The following CTNNA3 variants were observed in gnomAD, a reference collection of about 807,000 sequenced individuals.
CTNNA3 encodes the protein catenin alpha 3.
Under a neutral mutation model 95.7 loss-of-function variants are expected in CTNNA3, and 76 were observed. The ratio of observed to expected loss-of-function variants is 0.79; its 90% CI spans 0.66 to 0.96. The LOEUF is 0.96. CTNNA3 is among the 40% of genes least tolerant of loss of function. The pLI, the probability that CTNNA3 is intolerant of heterozygous loss-of-function variation, is 0.00. For missense variants in CTNNA3, 1,191 were observed against 1,089.8 expected (o/e 1.09, Z -1.31); for synonymous variants, 431 against 374.4 (o/e 1.15, Z -1.74).
chr10:66,945,987 A>G (rs545628940), intron 7 of CTNNA3, among the ~76,000 whole-genome samples: 4 of 152,196 alleles, frequency 2.6e-5, no homozygotes, highest in Non-Finnish European at 5.9e-5. Context: ...ACAGATCACC[A>G]TAATAGATAT....
intron 5 of CTNNA3, among the ~76,000 whole-genome samples, chr10:67,347,439 C>G (rs1409328584): frequency 6.6e-6 from 1 of 152,128 alleles, no homozygotes; most frequent in African/African-American, 2.4e-5. Context: ...TATTTAAAGT[C>G]ACTTTTTTCA....
At chr10:65,975,724 A>T (rs2078196914) in intron 16 of CTNNA3, among the ~76,000 whole-genome samples, 1 of 152,066 alleles carries the variant, frequency 6.6e-6, no homozygotes. Context: ...TAGATCTATT[A>T]TTTTCATTTT....
At chr10:67,623,651 AATCATTGCC>A (rs2133417585) in intron 2 of CTNNA3, among the ~76,000 whole-genome samples, 1 of 152,232 alleles carries the variant, frequency 6.6e-6, no homozygotes, top group Non-Finnish European at 1.5e-5. Flanking sequence ...CTCTAGGTGC[AATCATTGCC>A]TCACTGGGGC....
intron 7 of CTNNA3, among the ~76,000 whole-genome samples, chr10:66,965,192 T>C (rs1849331047): frequency 6.6e-6 from 1 of 152,090 alleles, no homozygotes; most frequent in South Asian, 2.1e-4. Context: ...TAGGTACTAG[T>C]CTCCTCCAGG....
At chr10:66,459,244 T>C (rs914363603) in intron 11 of CTNNA3, among the ~76,000 whole-genome samples, 9 of 152,202 alleles carry the variant, frequency 5.9e-5, no homozygotes, top group Non-Finnish European at 8.8e-5. Context: ...CAGTATATAA[T>C]ACATACAACA....
intron 12 of CTNNA3, among the ~76,000 whole-genome samples, chr10:66,342,699 A>T (rs1251650644): frequency 6.6e-6 from 1 of 152,064 alleles, no homozygotes; most frequent in Admixed American, 6.6e-5. Flanking sequence ...ATAATTCATT[A>T]ATTCCTTCAT....
intron 9 of CTNNA3, among the ~76,000 whole-genome samples, chr10:66,729,290 C>CA (rs1441023283): frequency 1.3e-5 from 2 of 152,090 alleles, no homozygotes; most frequent in African/African-American, 2.4e-5. Context: ...ATTAAAAAGT[C>CA]AAAAAACAAC....
At chr10:67,413,478 C>T (rs190478502) in intron 5 of CTNNA3, among the ~76,000 whole-genome samples, 8 of 152,228 alleles carry the variant, frequency 5.3e-5, no homozygotes, top group Admixed American at 4.6e-4. Flanking sequence ...AACACTTAAA[C>T]AACCACACAA....
intron 7 of CTNNA3, among the ~76,000 whole-genome samples, chr10:67,113,565 A>G (rs1348309581): frequency 1.3e-5 from 2 of 152,204 alleles, no homozygotes; most frequent in Non-Finnish European, 2.9e-5. Flanking sequence ...CAAAAGAGTC[A>G]GCAAGCGTTA....
At chr10:67,587,193 T>TTGTGTGTGTGTGTGTG (rs57140243) in intron 3 of CTNNA3, among the ~76,000 whole-genome samples, 11 of 130,062 alleles carry the variant, frequency 8.5e-5, no homozygotes, top group Admixed American at 1.6e-4. Flanking sequence ...CCCAGCTAAC[T>TTGTGTGTGTGTGTGTG]TGTGTGTGTG....
At chr10:67,484,353 T>C (rs1296410259) in intron 5 of CTNNA3, among the ~76,000 whole-genome samples, 1 of 152,048 alleles carries the variant, frequency 6.6e-6, no homozygotes, top group Non-Finnish European at 1.5e-5. Flanking sequence ...ATGTAAGACC[T>C]CAAACTATAG....
intron 7 of CTNNA3, among the ~76,000 whole-genome samples, chr10:66,801,743 T>C (rs1008657789): frequency 6.6e-6 from 1 of 151,542 alleles, no homozygotes; most frequent in Non-Finnish European, 1.5e-5. Context: ...ATTTCAGAAA[T>C]TGACAAGCCA....
intron 5 of CTNNA3, among the ~76,000 whole-genome samples, chr10:67,296,988 A>G (rs1264166470): frequency 6.8e-6 from 1 of 147,750 alleles, no homozygotes; most frequent in East Asian, 2.1e-4. Context: ...CCCTGATCCT[A>G]GCAAATTAAA....
chr10:66,220,201 A>C (rs775435860), intron 13 of CTNNA3, among the ~76,000 whole-genome samples: 1 of 151,004 alleles, frequency 6.6e-6, no homozygotes, highest in Non-Finnish European at 1.5e-5. Context: ...CACAGAAATA[A>C]CTGGAGTTTT....
intron 11 of CTNNA3, among the ~76,000 whole-genome samples, chr10:66,520,354 C>G (rs1340014811): frequency 7.0e-6 from 1 of 142,838 alleles, no homozygotes; most frequent in African/African-American, 2.6e-5. Flanking sequence ...TGGGTTCAAG[C>G]AATTCTCCTG....
chr10:67,059,814 A>G (rs912292336), intron 7 of CTNNA3, among the ~76,000 whole-genome samples: 2 of 152,164 alleles, frequency 1.3e-5, no homozygotes, highest in Admixed American at 1.3e-4. Context: ...TATTTATACT[A>G]ATGTATATTT....
At chr10:67,432,392 T>A (rs1182275998) in intron 5 of CTNNA3, among the ~76,000 whole-genome samples, 2 of 152,034 alleles carry the variant, frequency 1.3e-5, no homozygotes, top group East Asian at 1.9e-4. Context: ...TAAAACAACG[T>A]AAATTTATTC....
At chr10:67,694,387 A>T (rs1840925138) in intron 1 of CTNNA3, among the ~76,000 whole-genome samples, 1 of 152,128 alleles carries the variant, frequency 6.6e-6, no homozygotes, top group African/African-American at 2.4e-5. Flanking sequence ...GAATTTTACA[A>T]TGCTTTAAAA....
chr10:66,449,003 C>T (rs2456670), intron 11 of CTNNA3, among the ~76,000 whole-genome samples: 12,294 of 151,738 alleles, frequency 0.081, 867 homozygotes, highest in African/African-American at 0.19. Context: ...TTTACTAGTT[C>T]ACATTTTTAA....
Sources: gnomAD v4.1 joint callset for allele counts (sites outside exome capture counted in the v4.1 genomes callset) on GRCh38, gnomAD v4.1.1 for gene constraint, MANE v1.5 for transcripts, NCBI Gene and HGNC (gene_info 2026-07-23, HGNC 2026-07-21) for gene names.